The following FNBP1L variants were observed in gnomAD, a reference collection of about 807,000 sequenced individuals.
FNBP1L encodes formin-binding protein 1-like.
FNBP1L carries 36 observed loss-of-function variants against 91.2 expected under a neutral mutation model. The observed-to-expected ratio is 0.39, with a 90% CI of 0.30 to 0.52. FNBP1L has a LOEUF of 0.52. FNBP1L is among the 20% of genes least tolerant of loss of function. The probability of loss-of-function intolerance (pLI) is 0.66; values close to 1 mark genes in which losing one functional copy is unlikely to be tolerated. For synonymous variants in FNBP1L, 242 were observed against 237.0 expected, an observed-to-expected ratio of 1.02 and a Z score of -0.19; for missense variants, 571 against 732.1, an observed-to-expected ratio of 0.78 and a Z score of 2.54.
intron 2 of FNBP1L, among the ~76,000 whole-genome samples, chr1:93,520,076 TTTTC>T (rs1671271276): frequency 6.6e-6 from 1 of 152,212 alleles, no homozygotes; most frequent in South Asian, 2.1e-4. Context: ...TAGGTCTTCC[TTTTC>T]TTTGTGTATC....
intron 1 of FNBP1L, among the ~76,000 whole-genome samples, chr1:93,487,075 C>T (rs545511488): frequency 6.6e-6 from 1 of 152,294 alleles, no homozygotes; most frequent in East Asian, 1.9e-4. Context: ...ATTATTTCAA[C>T]AGAACTGCTC....
chr1:93,489,746 T>A (rs999815729), intron 1 of FNBP1L, among the ~76,000 whole-genome samples: 6 of 152,224 alleles, frequency 3.9e-5, no homozygotes, highest in Non-Finnish European at 8.8e-5. Context: ...ATTGATTTTT[T>A]AAAAATTCTA....
intron 1 of FNBP1L, among the ~76,000 whole-genome samples, chr1:93,448,625 A>G (rs1272876544): frequency 1.3e-5 from 2 of 149,932 alleles, no homozygotes; most frequent in African/African-American, 2.5e-5. Flanking sequence ...CTCCACCTTC[A>G]CTTTTCCCGA....
At chr1:93,530,574 TTTA>T in intron 6 of FNBP1L, among the ~76,000 whole-genome samples, 178 bp from the exon 7 acceptor site, 1 of 152,270 alleles carries the variant, frequency 6.6e-6, no homozygotes, top group African/African-American at 2.4e-5. Flanking sequence ...TGCAGGTGTC[TTTA>T]AATATAAAAT....
intron 1 of FNBP1L, among the ~76,000 whole-genome samples, chr1:93,496,750 C>T (rs1041809582): frequency 4.6e-5 from 7 of 151,958 alleles, no homozygotes; most frequent in Admixed American, 6.6e-5. Context: ...AGGCTGATCT[C>T]GAACTCCTGG....
At chr1:93,504,902 T>C (rs1046960795) in intron 2 of FNBP1L, among the ~76,000 whole-genome samples, 1 of 152,212 alleles carries the variant, frequency 6.6e-6, no homozygotes, top group Non-Finnish European at 1.5e-5. Flanking sequence ...TTCTCTTGAT[T>C]GTGTCCTTCT....
chr1:93,480,445 G>A (rs111944279), intron 1 of FNBP1L, among the ~76,000 whole-genome samples: 2,431 of 152,260 alleles, frequency 0.016, 65 homozygotes, highest in African/African-American at 0.045. Context: ...TAGGGTTGTT[G>A]TGGGTGAAGA....
At chr1:93,466,997 C>T (rs1258092351) in intron 1 of FNBP1L, among the ~76,000 whole-genome samples, 1 of 152,134 alleles carries the variant, frequency 6.6e-6, no homozygotes, top group Admixed American at 6.5e-5. Flanking sequence ...GCTGGAAGTA[C>T]AGGTGTGCGC....
chr1:93,494,873 A>G (rs1670211677), intron 1 of FNBP1L, among the ~76,000 whole-genome samples: 1 of 152,200 alleles, frequency 6.6e-6, no homozygotes, highest in African/African-American at 2.4e-5. Context: ...CAGGCAAGAG[A>G]GCATTGGCAT....
intron 2 of FNBP1L, among the ~76,000 whole-genome samples, chr1:93,515,272 C>T (rs1266830228): frequency 1.3e-5 from 2 of 151,802 alleles, no homozygotes; most frequent in Non-Finnish European, 2.9e-5. Context: ...ACAACAGGTG[C>T]TGGAGAGGAT....
intron 11 of FNBP1L, among the ~76,000 whole-genome samples, chr1:93,541,280 A>T (rs1672034809): frequency 6.6e-6 from 1 of 152,278 alleles, no homozygotes; most frequent in Non-Finnish European, 1.5e-5. Flanking sequence ...AATGTCATTG[A>T]ATGGAGTCCT....
chr1:93,554,125 ATATTGAATCTC>A lies in FNBP1L; in HGVS notation c.*1710_*1720del. ...GCAGCTAGTAAACTATAAAGTTTAG[ATATTGAATCTC>A]GTTACAGGGTTATTTATATAATGTG... On this transcript the variant is annotated 3_prime_UTR_variant, in exon 17 of 17. Transcript: ENST00000271234. The A allele has an allele frequency of 6.5e-6, 1 of 152,788 alleles. No homozygotes were observed. Among genetic ancestry groups the A allele is most frequent in the South Asian group, 2.1e-4 (1 of 4,830 alleles). The allele number at this position is 152,788 out of a possible 1,614,324, so 9.5% of individuals were successfully genotyped here.
At position 93,541,021 on chromosome 1, in the gene FNBP1L, GT is replaced by G. The variant is rs1672027086; in HGVS notation, c.1150-17del. On this transcript the variant is annotated intron_variant, in intron 10 of 16. Transcript: ENST00000271234. ...TGTGAATAATTTACCATTTCTTTCT[GT>G]TTTCCATTGAACTATTCAGTGGTCG... is the stretch of plus-strand genomic sequence containing the variant. 1.3e-6 allele frequency: 2 copies of G among 1,535,282 alleles called. No homozygotes were observed. The highest frequency in any genetic ancestry group is 2.7e-5 in the African/African-American group (2 of 72,946).
intron 1 of FNBP1L, among the ~76,000 whole-genome samples, chr1:93,499,015 G>T (rs1182176494): frequency 2.0e-5 from 3 of 152,170 alleles, no homozygotes; most frequent in Admixed American, 2.0e-4. Context: ...TGGTGCTTAG[G>T]CTGTGGGGGT....
intron 2 of FNBP1L, among the ~76,000 whole-genome samples, chr1:93,511,923 G>A (rs1222635551): frequency 1.5e-4 from 18 of 124,124 alleles, no homozygotes; most frequent in African/African-American, 4.0e-4. Flanking sequence ...CCGAGATCCC[G>A]CCACTGCACT....
chr1:93,468,393 A>C (rs1669165635), intron 1 of FNBP1L, among the ~76,000 whole-genome samples: 1 of 152,078 alleles, frequency 6.6e-6, no homozygotes, highest in South Asian at 2.1e-4. Flanking sequence ...TGGCATGAAT[A>C]ATGCTGCTGT....
chr1:93,544,064 T>G, intron 11 of FNBP1L, 43 bp from the exon 12 acceptor site: 1 of 1,404,060 alleles, frequency 7.1e-7, no homozygotes, highest in Non-Finnish European at 9.7e-7. Context: ...AAAATAAAAT[T>G]TCCCGAAAAT....
intron 5 of FNBP1L, among the ~76,000 whole-genome samples, chr1:93,527,004 T>C (rs1671515258): frequency 6.6e-6 from 1 of 152,170 alleles, no homozygotes; most frequent in African/African-American, 2.4e-5. Flanking sequence ...TGATTTTATG[T>C]ATGAGTATTT....
chr1:93,499,265 G>A (rs1670365924), intron 1 of FNBP1L, among the ~76,000 whole-genome samples: 1 of 152,036 alleles, frequency 6.6e-6, no homozygotes, highest in Admixed American at 6.6e-5. Context: ...TTGTAAAGAC[G>A]TTCAGACATA....
Sources: gnomAD v4.1 joint callset for allele counts (sites outside exome capture counted in the v4.1 genomes callset) on GRCh38, gnomAD v4.1.1 for gene constraint, MANE v1.5 for transcripts, NCBI Gene and HGNC (gene_info 2026-07-23, HGNC 2026-07-21) for gene names.